Variants in RASEF observed in about 807,000 individuals in gnomAD.
RASEF encodes RAS and EF-hand domain containing.
A neutral mutation model predicts 90.1 loss-of-function variants in RASEF; 68 were observed. The ratio of observed to expected loss-of-function variants is 0.75; its 90% CI spans 0.62 to 0.92. RASEF has a LOEUF of 0.92. RASEF is among the 40% of genes least tolerant of loss of function. The pLI is 0.00. For missense variants in RASEF, 949 were observed against 937.2 expected (o/e 1.01, Z -0.16); for synonymous variants, 331 against 345.2 (o/e 0.96, Z 0.46).
At chr9:83,111,242 A>T in the RASEF span, among the ~76,000 whole-genome samples, 3 of 152,200 alleles carry the variant, frequency 2.0e-5, no homozygotes, top group African/African-American at 7.2e-5. Flanking sequence ...TTAATGAAAC[A>T]AAAATAAATC....
the RASEF span, among the ~76,000 whole-genome samples, chr9:83,084,371 T>A: frequency 1.3e-5 from 2 of 152,164 alleles, no homozygotes; most frequent in Non-Finnish European, 2.9e-5. Flanking sequence ...TTATATAGCT[T>A]CTTATATAAT....
the RASEF span, among the ~76,000 whole-genome samples, chr9:83,196,687 A>G: frequency 1.3e-5 from 2 of 152,230 alleles, no homozygotes; most frequent in Non-Finnish European, 2.9e-5. Context: ...TAAAGCAGCT[A>G]TTTTAATCTC....
the RASEF span, among the ~76,000 whole-genome samples, chr9:83,092,003 C>CTTTTTTTTTTTTTTTTTTTTTTTTTTCTT: frequency 8.4e-5 from 3 of 35,922 alleles, no homozygotes; most frequent in African/African-American, 1.9e-4. Flanking sequence ...TCTTTTATTT[C>CTTTTTTTTTTTTTTTTTTTTTTTTTTCTT]TTTTTTTTTT....
Position 83,000,304 on chromosome 9 carries a change from C to G in RASEF, c.1588G>C (p.Asp530His). 2 of 1,613,748 alleles carry G rather than the reference C, an allele frequency of 1.2e-6. No homozygotes were observed. The change falls in exon 12 of 17, where the codon GAT becomes CAT. Residue 530 changes from aspartate (D) to histidine (H), a missense_variant. Transcript: ENST00000376447. ...GAGCTAAAAGATTTAGCGTTGTCATCTACCAGGTCTGTCTGGGGGGAAAAG... is the reference window on the plus strand; with the variant it reads ...GAGCTAAAAGATTTAGCGTTGTCATGTACCAGGTCTGTCTGGGGGGAAAAG... The part of the protein sequence containing the change: ...SALSPQTDLV[D>H]DNAKSFSSQK...
intron 1 of RASEF, among the ~76,000 whole-genome samples, chr9:83,047,621 A>G (rs549014443): frequency 9.2e-5 from 14 of 152,136 alleles, no homozygotes; most frequent in Non-Finnish European, 2.1e-4. Flanking sequence ...CCTAGGACAT[A>G]CCCATTAGGG....
In RASEF at chr9:83,000,023, ACACACAC is replaced by A. The variant is rs1242808947; in HGVS notation, c.1723+139_1723+145del. On this transcript the variant is annotated intron_variant, in intron 12 of 16. Transcript: ENST00000376447. ...CACACACACACACACACACACACAC[ACACACAC>A]ACACACATTTATATATGTGTGCATA... 9 of 549,452 alleles carry A rather than the reference ACACACAC, an allele frequency of 1.6e-5. No individual in the cohort carries two copies. In the African/African-American group the frequency reaches 1.7e-4, roughly 10 times the overall value. The allele number at this position is 549,452 out of a possible 1,614,324, so 34.0% of individuals were successfully genotyped here.
At chr9:83,035,022 A>C (rs1829714754) in intron 1 of RASEF, among the ~76,000 whole-genome samples, 1 of 152,300 alleles carries the variant, frequency 6.6e-6, no homozygotes, top group South Asian at 2.1e-4. Flanking sequence ...GTGGTGTTTC[A>C]AAAAGGGTCA....
At chr9:83,048,514 T>C in intron 1 of RASEF, 1 of 984,952 alleles carries the variant, frequency 1.0e-6, no homozygotes, top group Non-Finnish European at 1.2e-6. Flanking sequence ...CGTGCAGTCC[T>C]GGGCATACAG....
At chr9:83,058,148 G>A (rs1011628766) in intron 1 of RASEF, among the ~76,000 whole-genome samples, 16 of 145,716 alleles carry the variant, frequency 1.1e-4, no homozygotes, top group African/African-American at 3.8e-4. Context: ...CTTGCTCTCC[G>A]GCTCACTCCT....
intron 1 of RASEF, among the ~76,000 whole-genome samples, chr9:83,040,060 C>A (rs111240746): frequency 0.029 from 4,425 of 152,092 alleles, 199 homozygotes; most frequent in African/African-American, 0.1. Flanking sequence ...TATAAAGGGC[C>A]GTTCCCCTAC....
chr9:83,076,048 A>G, the RASEF span, among the ~76,000 whole-genome samples: 7 of 152,060 alleles, frequency 4.6e-5, no homozygotes, highest in Middle Eastern at 3.4e-3. Flanking sequence ...CGTGCCTGTA[A>G]TCCCAGCTAC....
chr9:83,079,298 T>G, the RASEF span, among the ~76,000 whole-genome samples: 1 of 152,232 alleles, frequency 6.6e-6, no homozygotes, highest in African/African-American at 2.4e-5. Flanking sequence ...GCAAAATTTA[T>G]TGAATAGGGA....
At chr9:83,059,818 A>G (rs1405508336) in intron 1 of RASEF, among the ~76,000 whole-genome samples, 1 of 152,174 alleles carries the variant, frequency 6.6e-6, no homozygotes, top group Non-Finnish European at 1.5e-5. Flanking sequence ...TTACCCGGTC[A>G]CACAACTCCT....
chr9:83,102,936 G>T, the RASEF span, among the ~76,000 whole-genome samples: 1 of 152,156 alleles, frequency 6.6e-6, no homozygotes, highest in African/African-American at 2.4e-5. Context: ...AGCCCTGGGA[G>T]GGACAGTCTC....
At chr9:82,989,484 C>G (rs1828773492) in intron 16 of RASEF, among the ~76,000 whole-genome samples, 1 of 152,124 alleles carries the variant, frequency 6.6e-6, no homozygotes, top group African/African-American at 2.4e-5. Flanking sequence ...ATGGGATCTG[C>G]TGGAATTAAA....
intron 1 of RASEF, among the ~76,000 whole-genome samples, chr9:83,049,102 T>C (rs147319274): frequency 0.014 from 2,041 of 145,526 alleles, 36 homozygotes; most frequent in African/African-American, 0.05. Flanking sequence ...CCAGCCAGGG[T>C]GACAGAGTGA....
chr9:83,120,216 C>T, the RASEF span, among the ~76,000 whole-genome samples: 3 of 152,200 alleles, frequency 2.0e-5, no homozygotes, highest in Middle Eastern at 3.2e-3. Context: ...GGCCACAATC[C>T]TACTCCAGGA....
chr9:83,135,381 A>C, the RASEF span, among the ~76,000 whole-genome samples: 1 of 152,100 alleles, frequency 6.6e-6, no homozygotes, highest in Non-Finnish European at 1.5e-5. Flanking sequence ...TAGCATTAGG[A>C]GATATACCTA....
At chr9:83,127,746 C>T in the RASEF span, among the ~76,000 whole-genome samples, 1 of 152,168 alleles carries the variant, frequency 6.6e-6, no homozygotes, top group Non-Finnish European at 1.5e-5. Context: ...AGCTCTGAAA[C>T]AGGATATTAA....
Sources: gnomAD v4.1 joint callset for allele counts (sites outside exome capture counted in the v4.1 genomes callset) on GRCh38, gnomAD v4.1.1 for gene constraint, MANE v1.5 for transcripts, NCBI Gene and HGNC (gene_info 2026-07-23, HGNC 2026-07-21) for gene names.